The following ATG13 variants were observed in gnomAD, a reference collection of about 807,000 sequenced individuals.
ATG13 encodes autophagy related 13, also known as autophagy-related protein 13.
ATG13 carries 23 observed loss-of-function variants against 65.5 expected under a neutral mutation model. The ratio of observed to expected loss-of-function variants is 0.35; its 90% CI spans 0.25 to 0.50. The LOEUF is 0.50. Ranked by LOEUF, ATG13 falls within the 20% of genes least tolerant of loss-of-function variation. The pLI is 0.98. For missense variants in ATG13, 566 were observed against 677.0 expected (o/e 0.84, Z 1.82); for synonymous variants, 252 against 245.2 (o/e 1.03, Z -0.26).
intron 7 of ATG13, 147 bp downstream of exon 7, chr11:46,650,464 C>T: frequency 8.8e-7 from 1 of 1,131,858 alleles, no homozygotes; most frequent in Non-Finnish European, 1.2e-6. Context: ...TGATCACTAT[C>T]CAGCCTGCCT....
intron 2 of ATG13, among the ~76,000 whole-genome samples, chr11:46,642,304 G>T (rs1204075727): frequency 4.6e-5 from 5 of 107,918 alleles, no homozygotes; most frequent in East Asian, 3.1e-4. Flanking sequence ...ATTTTTGTGG[G>T]TTTTTTTTTT....
Position 46,650,288 on chromosome 11 carries a change from A to G in ATG13, c.429A>G (p.Lys143=), listed in dbSNP as rs2058634283. Residue 143 remains lysine (K), a synonymous_variant, in exon 7 of 19, where the codon AAA becomes AAG. Coordinates refer to ENST00000683050, the MANE Select transcript of ATG13 (RefSeq NM_001346311.2). The part of the protein sequence containing the change: ...RVTPAYRLSR[K]QGHEYVILYR... Reference sequence around the variant, plus strand: ...CACCAGCCTATAGGCTCTCCAGGAAACAAGGGCATGAATATGTCATATTAT... The same window carrying G: ...CACCAGCCTATAGGCTCTCCAGGAAGCAAGGGCATGAATATGTCATATTAT... The G allele has an allele frequency of 1.9e-6, 3 of 1,614,122 alleles. No individual in the cohort carries two copies. The East Asian group carries it at 6.7e-5, about 36-fold the overall frequency.
chr11:46,618,112 C>T (rs1286660618), intron 1 of ATG13: 3 of 385,792 alleles, frequency 7.8e-6, no homozygotes, highest in East Asian at 3.7e-5. Context: ...GCTTTCCTCT[C>T]CACTTTTTCA....
At chr11:46,654,371 G>T (rs1247733934) in intron 7 of ATG13, among the ~76,000 whole-genome samples, 1 of 146,332 alleles carries the variant, frequency 6.8e-6, no homozygotes, top group Admixed American at 6.9e-5. Flanking sequence ...TTCTGGTCAG[G>T]TATGGTGGCT....
In ATG13 at chr11:46,659,448, T is replaced by C; in HGVS notation, c.752T>C (p.Val251Ala). 1.2e-6 allele frequency: 2 copies of C among 1,614,104 alleles called. No homozygotes were observed. Among genetic ancestry groups the C allele is most frequent in the Non-Finnish European group, 1.7e-6 (2 of 1,179,962 alleles). The change falls in exon 11 of 19, where the codon GTG becomes GCG. Residue 251 changes from valine to alanine, a missense_variant. Around this residue, in one of 2 missense-constraint regions of ATG13, gnomAD observed 387 missense variants for 409.8 expected, o/e 0.94. Transcript: ENST00000683050. ...IYPSVEDSQE[V>A]CTTSFSTSPP... ...CCGTCTGTAGAAGACTCTCAAGAAG[T>C]GTGTACCACCTCTTTTTCCACCTCC...
At chr11:46,657,237 A>C (rs773712767) in intron 9 of ATG13, 46 bp downstream of exon 9, 4 of 1,543,496 alleles carry the variant, frequency 2.6e-6, no homozygotes, top group Admixed American at 1.7e-5. Flanking sequence ...CGAAAATGTT[A>C]AAGTTTTTTT....
intron 9 of ATG13, 64 bp from the exon 10 acceptor site, chr11:46,657,460 G>C: frequency 6.7e-7 from 1 of 1,492,914 alleles, no homozygotes; most frequent in South Asian, 1.1e-5. Flanking sequence ...GGGGCCCTCT[G>C]AGGACTTTGT....
intron 2 of ATG13, among the ~76,000 whole-genome samples, chr11:46,636,557 CAAA>C (rs374517009): frequency 6.8e-4 from 32 of 47,288 alleles, no homozygotes; most frequent in African/African-American, 1.9e-3. Flanking sequence ...GACTCCGTCT[CAAA>C]AAAAAAAAAA....
At chr11:46,645,745 G>C (rs1169940163) in intron 4 of ATG13, 125 bp from the exon 5 acceptor site, 3 of 1,337,298 alleles carry the variant, frequency 2.2e-6, no homozygotes, top group East Asian at 4.9e-5. Context: ...ATGGGGAAGG[G>C]AGAAGTGAAT....
At chr11:46,668,681 C>T (rs186249842) in intron 16 of ATG13, 105 bp downstream of exon 16, 1,542 of 1,496,720 alleles carry the variant, frequency 1.0e-3, no homozygotes, top group Non-Finnish European at 1.2e-3. Context: ...CATGGCCCCT[C>T]GGCTTACGGG....
intron 7 of ATG13, among the ~76,000 whole-genome samples, chr11:46,650,805 C>T (rs1223166535): frequency 6.6e-6 from 1 of 152,094 alleles, no homozygotes; most frequent in African/African-American, 2.4e-5. Flanking sequence ...AGGGTTTCAC[C>T]ATATTGGCCA....
chr11:46,668,951 G>A, intron 17 of ATG13, 41 bp downstream of exon 17: 1 of 1,481,278 alleles, frequency 6.8e-7, no homozygotes, highest in Non-Finnish European at 9.4e-7. Context: ...CTGTCCCGGG[G>A]AACTAGACCT....
chr11:46,622,065 T>A (rs1192787807), intron 1 of ATG13, among the ~76,000 whole-genome samples: 2 of 119,156 alleles, frequency 1.7e-5, no homozygotes, highest in African/African-American at 2.9e-5. Context: ...CTTCAGAGAT[T>A]TATTTATTTA....
chr11:46,661,384 G>A (rs1015625978), intron 11 of ATG13, among the ~76,000 whole-genome samples: 1 of 151,512 alleles, frequency 6.6e-6, no homozygotes, highest in South Asian at 2.1e-4. Context: ...TGGGCCTAGC[G>A]GTGGGCGCCT....
At chr11:46,634,200 A>G (rs1424877207) in intron 2 of ATG13, among the ~76,000 whole-genome samples, 2 of 149,910 alleles carry the variant, frequency 1.3e-5, no homozygotes, top group African/African-American at 4.9e-5. Flanking sequence ...GGTTCAAGAG[A>G]TTCTCCTGTC....
intron 2 of ATG13, among the ~76,000 whole-genome samples, chr11:46,637,783 G>A (rs2054499730): frequency 6.6e-6 from 1 of 152,122 alleles, no homozygotes; most frequent in Non-Finnish European, 1.5e-5. Flanking sequence ...TATAGTGGGG[G>A]AAAAAGGGAA....
chr11:46,645,509 T>C, intron 4 of ATG13, 90 bp downstream of exon 4: 2 of 1,063,586 alleles, frequency 1.9e-6, no homozygotes, highest in Non-Finnish European at 2.7e-6. Context: ...AGTAATACCA[T>C]TTATAGTATT....
At position 46,672,831 on chromosome 11, in the gene ATG13, C is replaced by T; in HGVS notation, c.*499C>T. 1 of 1,245,478 alleles carries T rather than the reference C, an allele frequency of 8.0e-7. No homozygotes were observed. 77.2% of individuals were successfully genotyped at this position (1,245,478 alleles called of 1,614,324 possible). A position where few individuals can be genotyped will look rare whatever the true frequency, so the allele number is the denominator to read the frequency against. ...GGAGTCCCTTAGCTCTCTTCATTGT[C>T]CCCTTTACTTCCTGCTATCTTCTTC... On this transcript the variant is annotated 3_prime_UTR_variant, in exon 19 of 19. Coordinates refer to ENST00000683050, the MANE Select transcript of ATG13 (RefSeq NM_001346311.2).
At chr11:46,653,655 C>T (rs946357473) in intron 7 of ATG13, among the ~76,000 whole-genome samples, 19 of 151,966 alleles carry the variant, frequency 1.3e-4, no homozygotes, top group Middle Eastern at 3.4e-3. Context: ...CTGCAAGCTC[C>T]GCCTCCCAGG....
Sources: allele counts gnomAD v4.1 joint callset (sites outside exome capture counted in the v4.1 genomes callset), GRCh38; gene constraint gnomAD v4.1.1; regional missense constraint gnomAD v4.1.1; transcripts MANE v1.5; gene names NCBI Gene and HGNC (gene_info 2026-07-23, HGNC 2026-07-21).